RPS6KC1: variants seen among roughly 807,000 people sequenced by gnomAD.
RPS6KC1 encodes inactive ribosomal protein S6 kinase delta-1.
Under a neutral mutation model 103.8 loss-of-function variants are expected in RPS6KC1, and 54 were observed. The ratio of observed to expected loss-of-function variants is 0.52; its 90% CI spans 0.42 to 0.65. The LOEUF is 0.65. Among genes scored for constraint, RPS6KC1 ranks in the 30% least tolerant of loss-of-function variants. The pLI, the probability that RPS6KC1 is intolerant of heterozygous loss-of-function variation, is 0.00. For missense variants in RPS6KC1, 1,151 were observed against 1,253.8 expected (o/e 0.92, Z 1.24); for synonymous variants, 439 against 438.7 (o/e 1.00, Z -0.01).
the RPS6KC1 span, among the ~76,000 whole-genome samples, chr1:213,598,309 G>T: frequency 6.6e-6 from 1 of 152,152 alleles, no homozygotes; most frequent in Non-Finnish European, 1.5e-5. Context: ...TGTACAAATA[G>T]AATTTCTTTC....
At chr1:213,455,664 A>G in the RPS6KC1 span, among the ~76,000 whole-genome samples, 1 of 152,156 alleles carries the variant, frequency 6.6e-6, no homozygotes, top group Non-Finnish European at 1.5e-5. Flanking sequence ...GATTAAGTGG[A>G]ATGAAGGGCC....
the RPS6KC1 span, among the ~76,000 whole-genome samples, chr1:213,529,863 T>C: frequency 2.6e-5 from 4 of 152,172 alleles, no homozygotes; most frequent in Admixed American, 1.3e-4. Context: ...CCAATTCTCC[T>C]CTGGGTCTCC....
At chr1:213,270,103 C>A (rs1573741857) in intron 14 of RPS6KC1, among the ~76,000 whole-genome samples, 1 of 152,222 alleles carries the variant, frequency 6.6e-6, no homozygotes, top group Non-Finnish European at 1.5e-5. Context: ...ATGTCCAAAA[C>A]AATTTTGCAA....
At chr1:213,380,891 A>T in the RPS6KC1 span, among the ~76,000 whole-genome samples, 1 of 152,104 alleles carries the variant, frequency 6.6e-6, no homozygotes, top group African/African-American at 2.4e-5. Flanking sequence ...TTCTGCCCAC[A>T]TGTTCTCTTC....
the RPS6KC1 span, among the ~76,000 whole-genome samples, chr1:213,303,276 G>T: frequency 6.6e-6 from 1 of 152,158 alleles, no homozygotes; most frequent in African/African-American, 2.4e-5. Flanking sequence ...TTTGTGCCTG[G>T]GATCTGTAAC....
the RPS6KC1 span, among the ~76,000 whole-genome samples, chr1:213,287,636 G>A: frequency 2.0e-5 from 3 of 152,156 alleles, no homozygotes; most frequent in South Asian, 6.2e-4. Flanking sequence ...TTATGGCAAT[G>A]CAATTTTACA....
At chr1:213,525,184 C>A in the RPS6KC1 span, among the ~76,000 whole-genome samples, 60 of 152,248 alleles carry the variant, frequency 3.9e-4, no homozygotes, top group African/African-American at 1.4e-3. Flanking sequence ...AAGCTGGTGG[C>A]TTGAATCAGG....
chr1:213,134,465 A>G (rs1447966233), intron 6 of RPS6KC1, among the ~76,000 whole-genome samples: 1 of 151,926 alleles, frequency 6.6e-6, no homozygotes, highest in Non-Finnish European at 1.5e-5. Flanking sequence ...GATTTTGTTG[A>G]TATTTTTGAC....
At chr1:213,388,441 TG>T in the RPS6KC1 span, among the ~76,000 whole-genome samples, 2 of 152,164 alleles carry the variant, frequency 1.3e-5, no homozygotes, top group East Asian at 3.8e-4. Context: ...GCCACTCAGG[TG>T]GGGGCCTGGT....
the RPS6KC1 span, among the ~76,000 whole-genome samples, chr1:213,728,209 T>G: frequency 6.6e-6 from 1 of 152,042 alleles, no homozygotes; most frequent in Non-Finnish European, 1.5e-5. Context: ...AAGAAGCCTT[T>G]CGCAGAGACT....
At chr1:213,230,414 C>T (rs2094065338) in intron 8 of RPS6KC1, 83 bp from the exon 9 acceptor site, 3 of 999,634 alleles carry the variant, frequency 3.0e-6, no homozygotes, top group Non-Finnish European at 4.4e-6. Flanking sequence ...TCAGCCCTGC[C>T]CTACTCTTAA....
intron 6 of RPS6KC1, among the ~76,000 whole-genome samples, chr1:213,157,672 G>T (rs2090050101): frequency 6.6e-6 from 1 of 152,124 alleles, no homozygotes; most frequent in South Asian, 2.1e-4. Context: ...GTTTTTGTAT[G>T]GAGTATTCTG....
At chr1:213,379,447 C>T in the RPS6KC1 span, among the ~76,000 whole-genome samples, 1 of 152,188 alleles carries the variant, frequency 6.6e-6, no homozygotes, top group South Asian at 2.1e-4. Flanking sequence ...CCAAGGAATG[C>T]CAAAGATCGC....
At chr1:213,403,863 A>G in the RPS6KC1 span, among the ~76,000 whole-genome samples, 8 of 151,694 alleles carry the variant, frequency 5.3e-5, no homozygotes, top group Non-Finnish European at 1.2e-4. Context: ...TGCCATTCCT[A>G]TCATGAGAAA....
chr1:213,434,266 C>A, the RPS6KC1 span, among the ~76,000 whole-genome samples: 27 of 151,982 alleles, frequency 1.8e-4, no homozygotes, highest in Non-Finnish European at 3.8e-4. Context: ...ATTGTGTCAG[C>A]TTTTGTATTT....
chr1:213,464,511 T>G, the RPS6KC1 span, among the ~76,000 whole-genome samples: 1 of 152,208 alleles, frequency 6.6e-6, no homozygotes, highest in Non-Finnish European at 1.5e-5. Context: ...TTTCAAAGAC[T>G]TAGCTCTTAG....
At chr1:213,539,017 A>G in the RPS6KC1 span, among the ~76,000 whole-genome samples, 1 of 152,220 alleles carries the variant, frequency 6.6e-6, no homozygotes, top group South Asian at 2.1e-4. Context: ...TGACTAAAGG[A>G]CACAGCCGTT....
rs187701347 is a variant in RPS6KC1 at position 213,099,677 on chromosome 1, T to C, written c.263-4777T>C. On this transcript the variant is annotated intron_variant, in intron 3 of 14. Coordinates refer to ENST00000366960, the MANE Select transcript of RPS6KC1 (RefSeq NM_012424.6). ...TCCCTGTCAATCCCTGCCCTTAAGC[T>C]ACCCAGAAGGAACTTTTTCTACTAT... Among the ~76,000 whole-genome samples, 260 of 152,222 alleles carry C rather than the reference T, an allele frequency of 1.7e-3. 1 individual carries two copies. The highest frequency in any genetic ancestry group is 2.9e-3 in the Admixed American group (44 of 15,284).
chr1:213,104,162 C>G (rs572854654), intron 3 of RPS6KC1, among the ~76,000 whole-genome samples: 2 of 152,190 alleles, frequency 1.3e-5, no homozygotes, highest in African/African-American at 4.8e-5. Flanking sequence ...AGTTTCGAAT[C>G]ACCAGCTTCT....
Sources: allele counts gnomAD v4.1 joint callset (sites outside exome capture counted in the v4.1 genomes callset), GRCh38; gene constraint gnomAD v4.1.1; transcripts MANE v1.5; gene names NCBI Gene and HGNC (gene_info 2026-07-23, HGNC 2026-07-21).